Variants in KLRG1 observed in about 807,000 individuals in gnomAD.
The protein encoded by KLRG1 is killer cell lectin-like receptor subfamily G member 1.
KLRG1 carries 16 observed loss-of-function variants against 21.8 expected under a neutral mutation model. The ratio of observed to expected loss-of-function variants is 0.73; its 90% CI spans 0.50 to 1.11. KLRG1 has a LOEUF of 1.11. Among genes scored for constraint, KLRG1 ranks in the 50% most tolerant of loss-of-function variants. The pLI, the probability that KLRG1 is intolerant of heterozygous loss-of-function variation, is 0.00. For missense variants in KLRG1, 173 were observed against 218.3 expected (o/e 0.79, Z 1.31); for synonymous variants, 69 against 75.9 (o/e 0.91, Z 0.47).
At chr12:9,194,339 T>G in the KLRG1 span, 1 of 1,102,284 alleles carries the variant, frequency 9.1e-7, no homozygotes, top group East Asian at 2.5e-5. Context: ...AACAACAACC[T>G]CCCCCTCAAA....
the KLRG1 span, among the ~76,000 whole-genome samples, chr12:9,025,996 G>A: frequency 6.6e-6 from 1 of 152,202 alleles, no homozygotes; most frequent in African/African-American, 2.4e-5. Flanking sequence ...ACATTGCTGG[G>A]CAGCCCTGCG....
the KLRG1 span, among the ~76,000 whole-genome samples, chr12:9,075,700 C>T: frequency 6.6e-6 from 1 of 152,136 alleles, no homozygotes; most frequent in South Asian, 2.1e-4. Flanking sequence ...AGATGAAACA[C>T]ATGTGAAGAT....
At chr12:9,154,902 A>G in the KLRG1 span, 1 of 1,444,210 alleles carries the variant, frequency 6.9e-7, no homozygotes, top group Non-Finnish European at 9.5e-7. Flanking sequence ...CTGGTAGATA[A>G]GAGAATGCAC....
At chr12:8,977,039 C>T (rs764575610) in intron 1 of KLRG1, among the ~76,000 whole-genome samples, 1 of 152,278 alleles carries the variant, frequency 6.6e-6, no homozygotes, top group African/African-American at 2.4e-5. Context: ...GCAAGAGCCA[C>T]TGCACCCATC....
the KLRG1 span, among the ~76,000 whole-genome samples, chr12:9,102,202 C>T: frequency 2.0e-5 from 3 of 152,270 alleles, no homozygotes; most frequent in Admixed American, 1.3e-4. Flanking sequence ...TCTGGGCTAT[C>T]TTAGGCTGAT....
the KLRG1 span, among the ~76,000 whole-genome samples, chr12:9,023,150 A>G: frequency 6.6e-6 from 1 of 152,178 alleles, no homozygotes; most frequent in Admixed American, 6.5e-5. Flanking sequence ...TGTGCTTGTG[A>G]CTGGCATTGG....
At chr12:9,185,826 C>CTTTTCTTTTCTTTTCTT in the KLRG1 span, among the ~76,000 whole-genome samples, 2 of 31,064 alleles carry the variant, frequency 6.4e-5, no homozygotes, top group African/African-American at 1.2e-4. Flanking sequence ...TTTTTTTTTT[C>CTTTTCTTTTCTTTTCTT]TTGACAGAGT....
chr12:9,183,683 C>T, the KLRG1 span, among the ~76,000 whole-genome samples: 2 of 152,096 alleles, frequency 1.3e-5, no homozygotes, highest in Non-Finnish European at 2.9e-5. Flanking sequence ...GCCAATGTGC[C>T]CGGCCAAAAT....
At chr12:9,202,461 A>G in the KLRG1 span, 4 of 1,612,128 alleles carry the variant, frequency 2.5e-6, no homozygotes, top group Middle Eastern at 1.6e-4. Context: ...AGGATAATGG[A>G]GACTTTGGCT....
the KLRG1 span, among the ~76,000 whole-genome samples, chr12:9,102,505 C>T: frequency 6.6e-5 from 10 of 152,132 alleles, no homozygotes; most frequent in African/African-American, 2.4e-4. Flanking sequence ...CGTGAGCTAC[C>T]GTGCCTGGCC....
At chr12:9,084,655 G>A in the KLRG1 span, among the ~76,000 whole-genome samples, 45 of 152,080 alleles carry the variant, frequency 3.0e-4, no homozygotes, top group African/African-American at 9.9e-4. Context: ...CAACAAAATG[G>A]TAGTACCAAG....
rs146062360 is a variant in KLRG1, at chr12:8,962,091, A to G, written c.-156+11855A>G. On this transcript the variant is annotated intron_variant, in intron 1 of 4. Coordinates refer to the KLRG1 transcript ENST00000539240. ...ACAGAGTGAGACCCCGTCTCTTGCC[A>G]GGCTTGCTAAGAAGGAGGTAAATGT... 2.4e-4 allele frequency among the ~76,000 whole-genome samples: 36 copies of G among 152,238 alleles called. No individual in the cohort carries two copies. The East Asian group carries it at 7.0e-3, about 29-fold the overall frequency.
chr12:9,144,165 A>AAGAGAGAG, the KLRG1 span, among the ~76,000 whole-genome samples: 2 of 149,488 alleles, frequency 1.3e-5, no homozygotes, highest in African/African-American at 4.9e-5. Flanking sequence ...CCACATGAGG[A>AAGAGAGAG]AGAGAGAGAG....
In KLRG1 at chr12:9,010,115, G is replaced by T. The variant is rs954935814; in HGVS notation, c.*578G>T. ...GTGGGAGGGTCGCTTGAGCCCAGGA[G>T]TTTGAGGCTGCAGTGAGCTATGATT... On this transcript the variant is annotated 3_prime_UTR_variant, in exon 5 of 5. Coordinates refer to ENST00000356986, the MANE Select transcript of KLRG1 (RefSeq NM_005810.4). 1 of 1,024,274 alleles carries T rather than the reference G, an allele frequency of 9.8e-7. No individual in the cohort carries two copies. 63.4% of individuals were successfully genotyped at this position (1,024,274 alleles called of 1,614,324 possible).
the KLRG1 span, chr12:9,113,369 G>A: frequency 1.5e-5 from 24 of 1,613,070 alleles, no homozygotes; most frequent in Middle Eastern, 1.6e-4. Flanking sequence ...CAGCGAAGGC[G>A]ACACAGTGGA....
chr12:9,180,653 GA>G, the KLRG1 span, among the ~76,000 whole-genome samples: 1 of 152,200 alleles, frequency 6.6e-6, no homozygotes, highest in Non-Finnish European at 1.5e-5. Flanking sequence ...ATCAATTCAA[GA>G]TGGATTAAAG....
the KLRG1 span, chr12:9,110,185 C>T: frequency 7.2e-6 from 8 of 1,117,572 alleles, no homozygotes; most frequent in Non-Finnish European, 8.9e-6. Context: ...AGCCATCTAG[C>T]TCTATGGGAG....
At chr12:9,172,698 C>T in the KLRG1 span, among the ~76,000 whole-genome samples, 1 of 152,150 alleles carries the variant, frequency 6.6e-6, no homozygotes, top group Admixed American at 6.5e-5. Context: ...ACAAAACAGA[C>T]TTTAAACCAA....
At chr12:8,956,717 G>C (rs1232311236) in intron 1 of KLRG1, among the ~76,000 whole-genome samples, 3 of 152,218 alleles carry the variant, frequency 2.0e-5, no homozygotes, top group African/African-American at 7.2e-5. Flanking sequence ...AAAGTGTGGG[G>C]ATTACCGGCA....
Sources: allele counts gnomAD v4.1 joint callset (sites outside exome capture counted in the v4.1 genomes callset), GRCh38; gene constraint gnomAD v4.1.1; transcripts MANE v1.5; gene names NCBI Gene and HGNC (gene_info 2026-07-23, HGNC 2026-07-21).